PTPRT: variants seen among roughly 807,000 people sequenced by gnomAD.
The protein encoded by PTPRT is protein tyrosine phosphatase receptor type T.
A neutral mutation model predicts 176.8 loss-of-function variants in PTPRT; 56 were observed. The observed-to-expected ratio is 0.32, with a 90% CI of 0.26 to 0.40. The LOEUF is 0.40. Among genes scored for constraint, PTPRT ranks in the 10% least tolerant of loss-of-function variants. The pLI, the probability that PTPRT is intolerant of heterozygous loss-of-function variation, is 1.00. For missense variants in PTPRT, 1,540 were observed against 1,908.2 expected, an observed-to-expected ratio of 0.81 and a Z score of 3.60; for synonymous variants, 783 against 739.0, an observed-to-expected ratio of 1.06 and a Z score of -0.96.
At chr20:42,448,420 G>C in intron 8 of PTPRT, 91 bp from the exon 9 acceptor site, 1 of 942,986 alleles carries the variant, frequency 1.1e-6, no homozygotes, top group Non-Finnish European at 1.7e-6. Context: ...CAAAGTTGCT[G>C]TAAAGAACCA....
At chr20:42,726,833 G>C (rs187250841) in intron 6 of PTPRT, among the ~76,000 whole-genome samples, 3 of 152,308 alleles carry the variant, frequency 2.0e-5, no homozygotes, top group East Asian at 3.9e-4. Flanking sequence ...TTTGGAGACT[G>C]ATGAGCTGTT....
intron 13 of PTPRT, chr20:42,270,560 T>C (rs2146999861): frequency 1.2e-6 from 1 of 866,632 alleles, no homozygotes; most frequent in African/African-American, 1.7e-5. Context: ...TTCTTGTGGC[T>C]CTGAAGAGCT....
chr20:42,604,080 G>T (rs1039466273), intron 7 of PTPRT, among the ~76,000 whole-genome samples: 1 of 152,202 alleles, frequency 6.6e-6, no homozygotes, highest in Non-Finnish European at 1.5e-5. Flanking sequence ...TCGGCAAACA[G>T]TTCTCAGTGT....
intron 9 of PTPRT, among the ~76,000 whole-genome samples, chr20:42,391,451 G>A (rs2058798489): frequency 6.6e-6 from 1 of 152,166 alleles, no homozygotes; most frequent in African/African-American, 2.4e-5. Flanking sequence ...CATAGCCAAT[G>A]TCCTGGCGGC....
At chr20:42,711,859 C>A (rs914346385) in intron 6 of PTPRT, among the ~76,000 whole-genome samples, 3 of 151,694 alleles carry the variant, frequency 2.0e-5, no homozygotes, top group Admixed American at 2.0e-4. Context: ...GAAAATGAGG[C>A]TGACAGATGA....
chr20:42,315,184 C>CAAAAAA (rs71193656), intron 12 of PTPRT, among the ~76,000 whole-genome samples: 3 of 63,392 alleles, frequency 4.7e-5, no homozygotes, highest in African/African-American at 1.4e-4. Context: ...GGCTCCGTCT[C>CAAAAAA]AAAAAAAAAA....
chr20:42,098,567 A>G lies in PTPRT; in HGVS notation c.3715-15T>C. 2 of 1,613,948 alleles carry G rather than the reference A, an allele frequency of 1.2e-6. No individual in the cohort carries two copies. Among genetic ancestry groups the G allele is most frequent in the Non-Finnish European group, 1.7e-6 (2 of 1,179,940 alleles). On this transcript the variant is annotated splice_polypyrimidine_tract_variant and intron_variant, in intron 26 of 30. Transcript: ENST00000373187. ...TGCTTGTGGCTCTGACAAAGGAATG[A>G]CACAGGCTTCGTAAATTACACATCC... is the stretch of plus-strand genomic sequence containing the variant.
chr20:42,802,937 C>T (rs1024870838), intron 2 of PTPRT, among the ~76,000 whole-genome samples: 2 of 152,164 alleles, frequency 1.3e-5, no homozygotes, highest in Non-Finnish European at 2.9e-5. Context: ...AGGCTTGTTA[C>T]GTGAATTAAA....
chr20:42,473,216 T>C (rs1336727137), intron 7 of PTPRT, among the ~76,000 whole-genome samples: 2 of 152,176 alleles, frequency 1.3e-5, no homozygotes, highest in East Asian at 3.9e-4. Context: ...TCTGGGAACA[T>C]CATTCTAAAA....
At chr20:42,755,003 A>T (rs2076810585) in intron 6 of PTPRT, among the ~76,000 whole-genome samples, 1 of 152,212 alleles carries the variant, frequency 6.6e-6, no homozygotes. Flanking sequence ...GGAGACAAAA[A>T]GTCACCAAGT....
chr20:42,359,184 C>A (rs1480083774), intron 9 of PTPRT, among the ~76,000 whole-genome samples: 1 of 152,322 alleles, frequency 6.6e-6, no homozygotes, highest in South Asian at 2.1e-4. Flanking sequence ...CTCATGCACA[C>A]TGAGTTTGGA....
intron 12 of PTPRT, among the ~76,000 whole-genome samples, chr20:42,307,924 A>C (rs2145339491): frequency 6.6e-6 from 1 of 152,322 alleles, no homozygotes; most frequent in African/African-American, 2.4e-5. Flanking sequence ...CAAGATGGTG[A>C]CAAAAGTGAC....
intron 18 of PTPRT, among the ~76,000 whole-genome samples, chr20:42,129,615 T>A (rs988667225): frequency 6.6e-6 from 1 of 152,118 alleles, no homozygotes; most frequent in Non-Finnish European, 1.5e-5. Flanking sequence ...GGAGGGACCT[T>A]GGTTTGCTAT....
intron 15 of PTPRT, among the ~76,000 whole-genome samples, chr20:42,218,776 C>T (rs1229543746): frequency 2.0e-5 from 3 of 152,206 alleles, no homozygotes; most frequent in Non-Finnish European, 1.5e-5. Flanking sequence ...ATGCATTATG[C>T]ATCAAGAGTG....
chr20:42,970,077 T>G (rs1982534942), intron 1 of PTPRT, among the ~76,000 whole-genome samples: 1 of 152,144 alleles, frequency 6.6e-6, no homozygotes, highest in South Asian at 2.1e-4. Flanking sequence ...TCAGTGGGCT[T>G]TGCTACCTTT....
At chr20:42,835,737 AT>A (rs1438657508) in intron 2 of PTPRT, among the ~76,000 whole-genome samples, 9 of 152,192 alleles carry the variant, frequency 5.9e-5, no homozygotes, top group African/African-American at 2.2e-4. Context: ...TTTTCATTTT[AT>A]TCTTTACAAT....
intron 1 of PTPRT, among the ~76,000 whole-genome samples, chr20:42,944,325 G>A (rs993671183): frequency 6.6e-6 from 1 of 152,200 alleles, no homozygotes. Flanking sequence ...ACAAGAACCT[G>A]CAAACTGCTC....
At chr20:43,102,579 T>C (rs1190144891) in intron 1 of PTPRT, among the ~76,000 whole-genome samples, 2 of 152,214 alleles carry the variant, frequency 1.3e-5, no homozygotes, top group Non-Finnish European at 2.9e-5. Context: ...AGAAAGCTCC[T>C]GCCACCACCA....
chr20:42,753,920 C>T (rs147945541), intron 6 of PTPRT, among the ~76,000 whole-genome samples: 17 of 152,270 alleles, frequency 1.1e-4, no homozygotes, highest in Non-Finnish European at 1.2e-4. Flanking sequence ...TTTCAGAGTG[C>T]TAAACTAACT....
Sources: gnomAD v4.1 joint callset for allele counts (sites outside exome capture counted in the v4.1 genomes callset) on GRCh38, gnomAD v4.1.1 for gene constraint, MANE v1.5 for transcripts, NCBI Gene and HGNC (gene_info 2026-07-23, HGNC 2026-07-21) for gene names.